CBFA2T3: variants seen among roughly 807,000 people sequenced by gnomAD.
CBFA2T3 encodes CBFA2/RUNX1 partner transcriptional co-repressor 3, also known as transcriptional corepressor CBFA2T3.
In CBFA2T3, 31 loss-of-function variants were observed where a neutral mutation model predicts 58.6. The observed-to-expected ratio is 0.53, with a 90% CI of 0.40 to 0.71. The LOEUF (loss-of-function observed/expected upper bound fraction) is 0.71. Among genes scored for constraint, CBFA2T3 ranks in the 30% least tolerant of loss-of-function variants. The pLI is 0.00. For synonymous variants in CBFA2T3, 531 were observed against 421.9 expected, an observed-to-expected ratio of 1.26 and a Z score of -3.17; for missense variants, 1,076 against 963.1, an observed-to-expected ratio of 1.12 and a Z score of -1.55.
chr16:88,902,221 C>T (rs979075227), intron 1 of CBFA2T3, among the ~76,000 whole-genome samples: 3 of 152,194 alleles, frequency 2.0e-5, no homozygotes, highest in Non-Finnish European at 4.4e-5. Flanking sequence ...CGGTGTCTGC[C>T]CAGGGAGAGG....
intron 3 of CBFA2T3, among the ~76,000 whole-genome samples, chr16:88,896,239 T>C (rs1047758749): frequency 1.3e-5 from 2 of 152,264 alleles, no homozygotes; most frequent in East Asian, 3.9e-4. Flanking sequence ...GGCTGCAGGA[T>C]TGAGACATCT....
intron 3 of CBFA2T3, among the ~76,000 whole-genome samples, chr16:88,892,846 G>T (rs533090083): frequency 6.6e-6 from 1 of 152,212 alleles, no homozygotes; most frequent in Non-Finnish European, 1.5e-5. Flanking sequence ...GAATGACTGC[G>T]TTCTGAGTGT....
At chr16:88,886,419 A>G in intron 5 of CBFA2T3, 1 of 347,822 alleles carries the variant, frequency 2.9e-6, no homozygotes, top group Non-Finnish European at 5.2e-6. Context: ...CTGGACTCCC[A>G]GGGTGGGGCT....
intron 1 of CBFA2T3, chr16:88,941,294 C>T: frequency 2.3e-6 from 1 of 441,562 alleles, no homozygotes; most frequent in Non-Finnish European, 3.0e-6. Context: ...CGGCCCGCGC[C>T]GGGTCCAGCC....
At chr16:88,938,291 C>G (rs1418822913) in intron 1 of CBFA2T3, 1 of 152,776 alleles carries the variant, frequency 6.5e-6, no homozygotes, top group African/African-American at 2.4e-5. Flanking sequence ...AGAATGTGGC[C>G]CGGCAGGCTG....
intron 1 of CBFA2T3, among the ~76,000 whole-genome samples, chr16:88,968,740 G>T (rs575436330): frequency 9.9e-5 from 15 of 152,258 alleles, no homozygotes; most frequent in African/African-American, 3.4e-4. Context: ...AAGAAGCTTC[G>T]GGGTCCAGTT....
rs1597785594 is a variant in CBFA2T3 at position 88,953,173 on chromosome 16, C to A, written c.151+23484G>T. ...AGGAATGAGGAGTGCCGTGCCTGGG[C>A]TGGGCCATCGCCTCTCTCCCTCGGC... is the stretch of plus-strand genomic sequence containing the variant. On this transcript the variant is annotated intron_variant, in intron 1 of 11. Coordinates refer to ENST00000268679, the MANE Select transcript of CBFA2T3 (RefSeq NM_005187.6). The surrounding 1 kb of genome is among the most constrained non-coding windows in gnomAD (Gnocchi z 4.9). Among the ~76,000 whole-genome samples, 1 of 152,256 alleles carries A rather than the reference C, an allele frequency of 6.6e-6. No homozygotes were observed. The highest frequency in any genetic ancestry group is 6.5e-5 in the Admixed American group (1 of 15,288).
chr16:88,941,151 C>T (rs1971711951), intron 1 of CBFA2T3: 3 of 983,186 alleles, frequency 3.1e-6, no homozygotes, highest in South Asian at 9.4e-5. Context: ...TCTTCTGGCG[C>T]CGCACCGGGC....
intron 7 of CBFA2T3, chr16:88,884,829 C>T (rs932003573): frequency 8.5e-6 from 4 of 468,888 alleles, no homozygotes; most frequent in African/African-American, 4.1e-5. Flanking sequence ...CGAGGCCGCC[C>T]ACCCCGGGGG....
rs1398978795 is a variant in CBFA2T3 at position 88,892,455 on chromosome 16, G to A, written c.410C>T (p.Ala137Val). 1.2e-6 allele frequency: 2 copies of A among 1,613,278 alleles called. No individual in the cohort carries two copies. The highest frequency in any genetic ancestry group is 1.7e-6 in the Non-Finnish European group (2 of 1,179,976). Residue 137 changes from alanine to valine, a missense_variant, in exon 4 of 12, where the codon GCC (alanine) becomes GTC (valine). Coordinates refer to ENST00000268679, the MANE Select transcript of CBFA2T3 (RefSeq NM_005187.6). Reference sequence around the variant, plus strand: ...GGGTGTGCACGGTGCACCATTGATGGCTGTTGGTGAGTGGCTGCTGCCGTT... The same window carrying A: ...GGGTGTGCACGGTGCACCATTGATGACTGTTGGTGAGTGGCTGCTGCCGTT... ...LMNGSSHSPT[A>V]INGAPCTPNG...
chr16:88,976,632 A>G, intron 1 of CBFA2T3, 25 bp downstream of exon 1: 1 of 1,527,386 alleles, frequency 6.5e-7, no homozygotes, highest in Non-Finnish European at 8.9e-7. Context: ...CCCCCACCCC[A>G]CCACCTTCCC....
intron 9 of CBFA2T3, 192 bp from the exon 10 acceptor site, chr16:88,880,980 C>A (rs886367514): frequency 8.9e-6 from 6 of 674,902 alleles, no homozygotes; most frequent in African/African-American, 5.3e-5. Context: ...GGCATTGGAG[C>A]TGTGGACCTT....
chr16:88,893,289 T>C (rs1969727114), intron 3 of CBFA2T3, among the ~76,000 whole-genome samples: 2 of 140,164 alleles, frequency 1.4e-5, no homozygotes, highest in Admixed American at 7.0e-5. Context: ...CTCCCAGCCC[T>C]GAGCAATGTG....
chr16:88,916,094 G>A (rs916329142), intron 1 of CBFA2T3, among the ~76,000 whole-genome samples: 1 of 152,088 alleles, frequency 6.6e-6, no homozygotes, highest in African/African-American at 2.4e-5. Flanking sequence ...GTATTCATGT[G>A]TGTGCATGGG....
At chr16:88,922,224 C>T (rs558354511) in intron 1 of CBFA2T3, among the ~76,000 whole-genome samples, 1 of 151,664 alleles carries the variant, frequency 6.6e-6, no homozygotes, top group African/African-American at 2.4e-5. Flanking sequence ...AAAACAGCCC[C>T]CACAGAAACT....
At chr16:88,975,199 G>GCCCGCCCTGA (rs1972809212) in intron 1 of CBFA2T3, among the ~76,000 whole-genome samples, 3 of 110,078 alleles carry the variant, frequency 2.7e-5, no homozygotes, top group Non-Finnish European at 5.6e-5. Flanking sequence ...CATGTCAGAG[G>GCCCGCCCTGA]TCCACCCTGA....
intron 1 of CBFA2T3, chr16:88,937,165 G>T (rs994124356): frequency 6.6e-5 from 10 of 152,288 alleles, no homozygotes; most frequent in African/African-American, 2.2e-4. Flanking sequence ...GCAGAACCAG[G>T]CCTTCTCACT....
intron 7 of CBFA2T3, 53 bp from the exon 8 acceptor site, chr16:88,882,814 C>A: frequency 8.0e-7 from 1 of 1,249,042 alleles, no homozygotes; most frequent in Non-Finnish European, 1.1e-6. Context: ...AGTCTCTGCC[C>A]TATTCTCCCA....
In CBFA2T3 at chr16:88,879,379, T is replaced by G. The variant is rs570221152; in HGVS notation, c.1553A>C (p.Glu518Ala). ...AVSDAERKAH[E>A]LITTERAKME... ...CTTGGCACGCTCCGTGGTGATGAGC[T>G]CGTGCGCTTTGCGCTCCGCGTCCGA... Residue 518 changes from glutamate (E) to alanine (A), a missense_variant, in exon 11 of 12, where the codon GAG (glutamate) becomes GCG (alanine). By Grantham distance (107) the Glu-to-Ala change is moderately radical. Coordinates refer to ENST00000268679, the MANE Select transcript of CBFA2T3 (RefSeq NM_005187.6). 6.2e-7 allele frequency: 1 copy of G among 1,613,066 alleles called. No homozygotes were observed. Among genetic ancestry groups the G allele is most frequent in the South Asian group, 1.1e-5 (1 of 91,064 alleles).
Sources: allele counts gnomAD v4.1 joint callset (sites outside exome capture counted in the v4.1 genomes callset), GRCh38; gene constraint gnomAD v4.1.1; non-coding constraint Gnocchi (gnomAD v3.1); transcripts MANE v1.5; gene names NCBI Gene and HGNC (gene_info 2026-07-23, HGNC 2026-07-21).